SEL1L3: variants seen among roughly 807,000 people sequenced by gnomAD.
SEL1L3 encodes SEL1L family member 3, also known as protein sel-1 homolog 3.
In SEL1L3, 76 loss-of-function variants were observed where a neutral mutation model predicts 142.8. The ratio of observed to expected loss-of-function variants is 0.53; its 90% CI spans 0.44 to 0.64. The LOEUF (loss-of-function observed/expected upper bound fraction) is 0.64, where lower values mean the gene tolerates loss of function less well. Among genes scored for constraint, SEL1L3 ranks in the 30% least tolerant of loss-of-function variants. The pLI, the probability that SEL1L3 is intolerant of heterozygous loss-of-function variation, is 0.00. For missense variants in SEL1L3, 1,262 were observed against 1,381.7 expected (o/e 0.91, Z 1.37); for synonymous variants, 504 against 519.6 (o/e 0.97, Z 0.41).
At chr4:25,786,887 G>T (rs1227817565) in intron 13 of SEL1L3, among the ~76,000 whole-genome samples, 1 of 152,226 alleles carries the variant, frequency 6.6e-6, no homozygotes, top group East Asian at 1.9e-4. Context: ...GGTAGGGAGG[G>T]TTAGAAATGT....
chr4:25,839,468 GGTCT>G (rs769027686), intron 2 of SEL1L3, among the ~76,000 whole-genome samples: 52 of 152,276 alleles, frequency 3.4e-4, no homozygotes, highest in Non-Finnish European at 3.8e-4. Flanking sequence ...AATAAATTAC[GGTCT>G]GTCAGGCGAT....
chr4:25,750,635 T>G (rs1371961060), intron 23 of SEL1L3, among the ~76,000 whole-genome samples: 1 of 152,182 alleles, frequency 6.6e-6, no homozygotes, highest in Non-Finnish European at 1.5e-5. Flanking sequence ...ACTGGTAAGA[T>G]GTCAAGCTAA....
In SEL1L3 at chr4:25,833,076, C is replaced by T; in HGVS notation, c.1017G>A (p.Gly339=). ...ATTTAGTTTTTACAGCAAGGTCTTC[C>T]CCTTTGACAAGATGCATCTGAATAT... ...YLHIQMHLVK[G]EDLAVKTKFI... Residue 339 remains glycine (G), a synonymous_variant, in exon 5 of 24, where the codon GGG becomes GGA. Transcript: ENST00000399878. 1.9e-6 allele frequency: 3 copies of T among 1,611,640 alleles called. No homozygotes were observed. The highest frequency in any genetic ancestry group is 1.7e-6 in the Non-Finnish European group (2 of 1,177,954).
intron 13 of SEL1L3, among the ~76,000 whole-genome samples, chr4:25,787,869 A>G (rs776193904): frequency 1.3e-5 from 2 of 152,184 alleles, no homozygotes; most frequent in African/African-American, 4.8e-5. Context: ...ATTACACACT[A>G]TGTTTAAGCT....
intron 1 of SEL1L3, among the ~76,000 whole-genome samples, chr4:25,848,271 G>A (rs1271511774): frequency 6.6e-6 from 1 of 152,190 alleles, no homozygotes; most frequent in Non-Finnish European, 1.5e-5. Context: ...TTAAATGGTG[G>A]GTCAGACACT....
chr4:25,724,617 T>A, the SEL1L3 span, among the ~76,000 whole-genome samples: 1 of 150,310 alleles, frequency 6.7e-6, no homozygotes, highest in Non-Finnish European at 1.5e-5. Flanking sequence ...TGGGCACCTG[T>A]AATCAGCCAC....
chr4:25,847,757 T>C lies in SEL1L3; in HGVS notation c.270A>G (p.Glu90=). The C allele has an allele frequency of 6.2e-7, 1 of 1,613,742 alleles. No individual in the cohort carries two copies. The highest frequency in any genetic ancestry group is 8.5e-7 in the Non-Finnish European group (1 of 1,179,688). Reference sequence around the variant, plus strand: ...CTTCAGAAACGTTGCGAACGTTTCCTTCAAAGACAGTAAAATAAATAAAGT... The same window carrying C: ...CTTCAGAAACGTTGCGAACGTTTCCCTCAAAGACAGTAAAATAAATAAAGT... ...YKDFIYFTVF[E]GNVRNVSEVS... The change falls in exon 2 of 24, where the codon GAA becomes GAG. Residue 90 remains glutamate (E), a synonymous_variant. Transcript: ENST00000399878.
intron 9 of SEL1L3, among the ~76,000 whole-genome samples, chr4:25,805,367 A>G (rs956231768): frequency 6.6e-6 from 1 of 152,142 alleles, no homozygotes; most frequent in African/African-American, 2.4e-5. Context: ...CCCATTTTTT[A>G]CACGAAGAGA....
At chr4:25,838,293 T>C (rs1293411832) in intron 2 of SEL1L3, among the ~76,000 whole-genome samples, 1 of 152,174 alleles carries the variant, frequency 6.6e-6, no homozygotes, top group Non-Finnish European at 1.5e-5. Context: ...GACATAAACA[T>C]AGAATGCCAG....
At chr4:25,745,965 T>C (rs532636336), downstream of SEL1L3, among the ~76,000 whole-genome samples, 5 of 152,352 alleles carry the variant, frequency 3.3e-5, no homozygotes, top group Admixed American at 2.6e-4. Flanking sequence ...GACTGCTCTT[T>C]CTTATGTTAT....
At chr4:25,809,393 C>T (rs963117453) in intron 9 of SEL1L3, among the ~76,000 whole-genome samples, 1 of 151,960 alleles carries the variant, frequency 6.6e-6, no homozygotes, top group African/African-American at 2.4e-5. Flanking sequence ...AATCCACCCA[C>T]CTCTGCCTAC....
intron 19 of SEL1L3, among the ~76,000 whole-genome samples, chr4:25,766,439 C>CA (rs35486393): frequency 0.092 from 8,576 of 93,532 alleles, 334 homozygotes; most frequent in Non-Finnish European, 0.11. Context: ...GACTCCATCT[C>CA]AAAAAAAAAA....
intron 11 of SEL1L3, among the ~76,000 whole-genome samples, chr4:25,795,263 G>A (rs1384414668): frequency 6.6e-6 from 1 of 152,150 alleles, no homozygotes; most frequent in Non-Finnish European, 1.5e-5. Context: ...CAAAGTGCCT[G>A]GGTCATGGCA....
Position 25,801,317 on chromosome 4 carries a change from C to T in SEL1L3, c.1956+966G>A, listed in dbSNP as rs559425573. Among the ~76,000 whole-genome samples, 17 of 152,326 alleles carry T rather than the reference C, an allele frequency of 1.1e-4. No homozygotes were observed. The East Asian group carries it at 1.9e-3, about 17-fold the overall frequency. The stretch of plus-strand genomic sequence containing the variant: ...ACTCAGGAGGCTGAGGCATGAGAAT[C>T]GCTTGAACCCAGGAGATGGAGGTTG... On this transcript the variant is annotated intron_variant, in intron 11 of 23. Transcript: ENST00000399878.
rs764588168 is a variant in SEL1L3, at chr4:25,779,141, C to A, written c.2520G>T (p.Trp840Cys). ...AQGGHMEGTL[W>C]CSLYYITGNL... Reference sequence around the variant, plus strand: ...TGCCTGTGATATAGTAGAGAGAACACCACAAGGTCCCTTCCATGTGTCCAC... The same window carrying A: ...TGCCTGTGATATAGTAGAGAGAACAACACAAGGTCCCTTCCATGTGTCCAC... Residue 840 changes from tryptophan (W) to cysteine (C), a missense_variant, in exon 16 of 24, where the codon TGG becomes TGT. Transcript: ENST00000399878. The A allele has an allele frequency of 6.2e-7, 1 of 1,613,508 alleles. No individual in the cohort carries two copies. Among genetic ancestry groups the A allele is most frequent in the South Asian group, 1.1e-5 (1 of 91,052 alleles).
At chr4:25,836,293 T>C (rs1020324622) in intron 2 of SEL1L3, among the ~76,000 whole-genome samples, 1 of 152,182 alleles carries the variant, frequency 6.6e-6, no homozygotes, top group Non-Finnish European at 1.5e-5. Context: ...GAATTTTTGG[T>C]TTTCCCTATT....
At chr4:25,847,910 T>A (rs1182090903) in intron 1 of SEL1L3, 46 bp from the exon 2 acceptor site, 2 of 1,167,908 alleles carry the variant, frequency 1.7e-6, no homozygotes, top group Non-Finnish European at 2.4e-6. Flanking sequence ...AGTTTAAAAA[T>A]CCTCATCATA....
Position 25,754,566 on chromosome 4 carries a change from G to C in SEL1L3, c.3259+2968C>G, listed in dbSNP as rs373221088. ...AACAGGGCTGGCAGGTACCACTGTC[G>C]GGGCACATTTTGGAAATGTGTGGAG... On this transcript the variant is annotated intron_variant, in intron 23 of 23. Transcript: ENST00000399878. 5.9e-5 allele frequency among the ~76,000 whole-genome samples: 9 copies of C among 151,736 alleles called. No homozygotes were observed. The East Asian group carries it at 1.4e-3, about 23-fold the overall frequency.
chr4:25,767,412 C>A, intron 19 of SEL1L3, 113 bp downstream of exon 19: 1 of 667,412 alleles, frequency 1.5e-6, no homozygotes, highest in Middle Eastern at 2.5e-4. Flanking sequence ...TTTTCACTTT[C>A]TTTTCTAATT....
Sources: allele counts gnomAD v4.1 joint callset (sites outside exome capture counted in the v4.1 genomes callset), GRCh38; gene constraint gnomAD v4.1.1; transcripts MANE v1.5; gene names NCBI Gene and HGNC (gene_info 2026-07-23, HGNC 2026-07-21).